The following RNF144A variants were observed in gnomAD, a reference collection of about 807,000 sequenced individuals.
The protein encoded by RNF144A is ring finger protein 144A.
A neutral mutation model predicts 38.7 loss-of-function variants in RNF144A; 11 were observed. The observed-to-expected ratio is 0.28, with a 90% CI of 0.18 to 0.47. RNF144A has a LOEUF of 0.47. Ranked by LOEUF, RNF144A falls within the 20% of genes least tolerant of loss-of-function variation. The probability of loss-of-function intolerance (pLI) is 0.99; values close to 1 mark genes in which losing one functional copy is unlikely to be tolerated. For synonymous variants in RNF144A, 149 were observed against 143.9 expected, an observed-to-expected ratio of 1.04 and a Z score of -0.25; for missense variants, 316 against 377.2, an observed-to-expected ratio of 0.84 and a Z score of 1.34.
At chr2:7,002,258 A>C (rs1194122932) in intron 3 of RNF144A, among the ~76,000 whole-genome samples, 2 of 152,184 alleles carry the variant, frequency 1.3e-5, no homozygotes, top group African/African-American at 4.8e-5. Context: ...TAATTTTTCA[A>C]ACATTTTTGA....
chr2:6,950,933 A>C (rs1171877097), intron 2 of RNF144A, among the ~76,000 whole-genome samples: 1 of 152,164 alleles, frequency 6.6e-6, no homozygotes, highest in Non-Finnish European at 1.5e-5. Context: ...CAAGTGTTAA[A>C]AATATTACCT....
chr2:7,025,942 C>T (rs1671867145), intron 7 of RNF144A, among the ~76,000 whole-genome samples: 1 of 152,156 alleles, frequency 6.6e-6, no homozygotes, highest in South Asian at 2.1e-4. Flanking sequence ...ATTCATCTGT[C>T]CAGAGACTGT....
At chr2:7,007,166 C>T (rs939584750) in intron 3 of RNF144A, among the ~76,000 whole-genome samples, 3 of 152,240 alleles carry the variant, frequency 2.0e-5, no homozygotes, top group East Asian at 1.9e-4. Context: ...TGTCTAGGAC[C>T]GACAGCAGGT....
chr2:6,967,479 G>A (rs1432805645), intron 2 of RNF144A, among the ~76,000 whole-genome samples: 2 of 152,172 alleles, frequency 1.3e-5, no homozygotes, highest in African/African-American at 4.8e-5. Flanking sequence ...GGGACTTTGA[G>A]GAGCCCCTCA....
chr2:6,983,082 A>T (rs1668736332), intron 2 of RNF144A, among the ~76,000 whole-genome samples: 4 of 152,172 alleles, frequency 2.6e-5, no homozygotes. Flanking sequence ...TGTGTTCTTC[A>T]ATGGTATTTG....
intron 2 of RNF144A, among the ~76,000 whole-genome samples, chr2:6,955,195 G>A (rs1479856348): frequency 6.6e-6 from 1 of 152,194 alleles, no homozygotes; most frequent in Non-Finnish European, 1.5e-5. Flanking sequence ...TAGGGATCAT[G>A]CAGTACAGAA....
intron 2 of RNF144A, among the ~76,000 whole-genome samples, chr2:6,981,996 G>C (rs1338252030): frequency 6.6e-6 from 1 of 152,198 alleles, no homozygotes. Context: ...GCAGGAGAGA[G>C]AGAGCGCACA....
rs955864251 is a variant in RNF144A, at chr2:6,917,479, G to A, written c.-355G>A. On this transcript the variant is annotated 5_prime_UTR_variant, in exon 1 of 9. Transcript: ENST00000320892. This position sits in a 1 kb window ranked among gnomAD's most constrained non-coding sequence, Gnocchi z 4.8. The stretch of plus-strand genomic sequence containing the variant: ...CGCGCGGGCTCTCGGCAGGCGGGAG[G>A]CGGCAGGGCTGGCATTGCAGTGCGG... 15 of 147,346 alleles carry A rather than the reference G, an allele frequency of 1.0e-4. No homozygotes were observed. Among genetic ancestry groups the A allele is most frequent in the African/African-American group, 2.4e-5 (1 of 40,966 alleles). 9.1% of individuals were successfully genotyped at this position (147,346 alleles called of 1,614,324 possible).
At chr2:6,955,297 C>T (rs770374899) in intron 2 of RNF144A, among the ~76,000 whole-genome samples, 2 of 152,224 alleles carry the variant, frequency 1.3e-5, no homozygotes, top group East Asian at 1.9e-4. Flanking sequence ...TAATAAAATT[C>T]GGCTTAGGCT....
At chr2:7,075,846 G>A in the RNF144A span, among the ~76,000 whole-genome samples, 1 of 152,314 alleles carries the variant, frequency 6.6e-6, no homozygotes, top group East Asian at 1.9e-4. Flanking sequence ...AGTCTAAGGG[G>A]AAGGGGGGAC....
chr2:7,048,148 A>G (rs1036705845), downstream of RNF144A, among the ~76,000 whole-genome samples: 14 of 152,182 alleles, frequency 9.2e-5, no homozygotes, highest in African/African-American at 3.4e-4. Flanking sequence ...TGAGCTCAGG[A>G]AATCCTGAGG....
At chr2:6,938,511 G>A (rs1441034629) in intron 1 of RNF144A, among the ~76,000 whole-genome samples, 2 of 152,032 alleles carry the variant, frequency 1.3e-5, no homozygotes, top group African/African-American at 4.8e-5. Context: ...CTCCCAAAGT[G>A]CTGGGATTAC....
At chr2:6,961,423 C>G (rs759057660) in intron 2 of RNF144A, among the ~76,000 whole-genome samples, 2 of 148,820 alleles carry the variant, frequency 1.3e-5, no homozygotes, top group Non-Finnish European at 3.0e-5. Context: ...ATGTGAACTA[C>G]TCTTTTACAG....
At chr2:7,021,118 C>T (rs2103430097) in intron 6 of RNF144A, among the ~76,000 whole-genome samples, 1 of 152,268 alleles carries the variant, frequency 6.6e-6, no homozygotes, top group Non-Finnish European at 1.5e-5. Flanking sequence ...GGGAGACACT[C>T]CCTGGTGGCG....
chr2:6,926,593 G>A (rs1028119417), intron 1 of RNF144A, among the ~76,000 whole-genome samples: 3 of 152,198 alleles, frequency 2.0e-5, no homozygotes, highest in Admixed American at 2.0e-4. Flanking sequence ...AATAGGTTCG[G>A]TGTGGGTACA....
intron 2 of RNF144A, among the ~76,000 whole-genome samples, chr2:6,984,549 G>T (rs533710767): frequency 6.6e-6 from 1 of 152,098 alleles, no homozygotes; most frequent in Non-Finnish European, 1.5e-5. Flanking sequence ...TGATCCGCCC[G>T]CCTCAGCCTC....
rs1312280666 is a variant in RNF144A at position 6,944,901 on chromosome 2, T to G, written c.-12+3754T>G. ...AGCACGAGCAAAGATTTTTTAAATG[T>G]TTAGAATTTATAAAGAGAGGTGGTT... is the stretch of plus-strand genomic sequence containing the variant. On this transcript the variant is annotated intron_variant, in intron 2 of 8. Coordinates refer to ENST00000320892, the MANE Select transcript of RNF144A (RefSeq NM_014746.6). The surrounding 1 kb of genome is among the most constrained non-coding windows in gnomAD (Gnocchi z 4.7). Among the ~76,000 whole-genome samples the G allele has an allele frequency of 6.6e-6, 1 of 152,192 alleles. No homozygotes were observed. The highest frequency in any genetic ancestry group is 2.4e-5 in the African/African-American group (1 of 41,442).
At chr2:6,991,656 A>G (rs1315454251) in intron 2 of RNF144A, among the ~76,000 whole-genome samples, 1 of 152,172 alleles carries the variant, frequency 6.6e-6, no homozygotes, top group African/African-American at 2.4e-5. Flanking sequence ...GTAAAATTTG[A>G]ATAATAGCAA....
At chr2:6,927,208 A>T (rs966860647) in intron 1 of RNF144A, among the ~76,000 whole-genome samples, 3 of 152,182 alleles carry the variant, frequency 2.0e-5, no homozygotes, top group Non-Finnish European at 4.4e-5. Context: ...CTGTGCTGTC[A>T]ACTGTGAAAG....
Sources: allele counts gnomAD v4.1 joint callset (sites outside exome capture counted in the v4.1 genomes callset), GRCh38; gene constraint gnomAD v4.1.1; non-coding constraint Gnocchi (gnomAD v3.1); transcripts MANE v1.5; gene names NCBI Gene and HGNC (gene_info 2026-07-23, HGNC 2026-07-21).